Variants in PLCG2 observed in about 807,000 individuals in gnomAD.
PLCG2 encodes the protein 1-phosphatidylinositol 4,5-bisphosphate phosphodiesterase gamma-2.
A neutral mutation model predicts 175.6 loss-of-function variants in PLCG2; 69 were observed. The observed-to-expected ratio is 0.39, with a 90% CI of 0.32 to 0.48. The LOEUF is 0.48. Among genes scored for constraint, PLCG2 ranks in the 20% least tolerant of loss-of-function variants. The pLI, the probability that PLCG2 is intolerant of heterozygous loss-of-function variation, is 0.91. For missense variants in PLCG2, 1,798 were observed against 1,650.9 expected (o/e 1.09, Z -1.54); for synonymous variants, 827 against 624.0 (o/e 1.33, Z -4.85).
chr16:81,935,684 G>T, intron 26 of PLCG2: 1 of 985,286 alleles, frequency 1.0e-6, no homozygotes, highest in Non-Finnish European at 1.2e-6. Context: ...AGAAGATGAG[G>T]CCTGTCCCCT....
At chr16:81,871,006 C>G (rs749044588) in intron 7 of PLCG2, 71 bp downstream of exon 7, 3 of 781,494 alleles carry the variant, frequency 3.8e-6, no homozygotes, top group African/African-American at 3.5e-5. Context: ...CTGGCATGTT[C>G]CTAAGAAACC....
rs147514473 is a variant in PLCG2 at position 81,754,624 on chromosome 16, A to G, written c.-144-1246A>G. Among the ~76,000 whole-genome samples, 224 of 150,878 alleles carry G rather than the reference A, an allele frequency of 1.5e-3. 5 individuals are homozygous for G. In the East Asian group the frequency reaches 0.034, roughly 23 times the overall value. On this transcript the variant is annotated intron_variant, in intron 1 of 5. Transcript: ENST00000565054. The stretch of plus-strand genomic sequence containing the variant: ...GGACCTGGTAAGGTGTAGGTGCTCA[A>G]TACTTGCTTTAGTGAATGAATGACT...
At chr16:81,817,796 T>G (rs1172277706) in intron 2 of PLCG2, among the ~76,000 whole-genome samples, 1 of 152,240 alleles carries the variant, frequency 6.6e-6, no homozygotes, top group Non-Finnish European at 1.5e-5. Context: ...TGTGATTCTT[T>G]CACTTAACAC....
intron 2 of PLCG2, among the ~76,000 whole-genome samples, chr16:81,809,114 G>T (rs1904296704): frequency 6.6e-6 from 1 of 152,204 alleles, no homozygotes; most frequent in African/African-American, 2.4e-5. Context: ...TCTGAGCATG[G>T]TGACTTGGAC....
intron 7 of PLCG2, among the ~76,000 whole-genome samples, chr16:81,871,572 A>G (rs1287285586): frequency 6.6e-6 from 1 of 152,172 alleles, no homozygotes; most frequent in Admixed American, 6.5e-5. Context: ...TTCTAACCTC[A>G]ACTGATCGGC....
chr16:81,942,310 C>G (rs1385962091), intron 30 of PLCG2, among the ~76,000 whole-genome samples: 1 of 152,184 alleles, frequency 6.6e-6, no homozygotes, highest in Non-Finnish European at 1.5e-5. Context: ...AATGCAATGA[C>G]TTAGCTTGGA....
chr16:81,944,935 G>C lies in PLCG2; in HGVS notation c.3482-1240G>C, dbSNP rs140363214. 4.4e-3 allele frequency among the ~76,000 whole-genome samples: 671 copies of C among 152,196 alleles called. 13 individuals carry two copies. Among genetic ancestry groups the C allele is most frequent in the African/African-American group, 0.016 (651 of 41,520 alleles). ...CAAGTAATCCTTGTAATTTTTTTTA[G>C]TGTTGCTGTATGTTTAAGAATTTTA... On this transcript the variant is annotated intron_variant, in intron 30 of 32. Transcript: ENST00000564138.
intron 1 of PLCG2, among the ~76,000 whole-genome samples, chr16:81,784,040 C>G (rs1367971624): frequency 6.6e-6 from 1 of 152,196 alleles, no homozygotes; most frequent in Non-Finnish European, 1.5e-5. Flanking sequence ...GCCCCCAGTG[C>G]ATGCTTCTGC....
At chr16:81,883,563 T>C (rs1428005271) in intron 9 of PLCG2, 2 of 585,406 alleles carry the variant, frequency 3.4e-6, no homozygotes, top group African/African-American at 3.7e-5. Context: ...AAGAGCCTCA[T>C]GTCGGGCCTC....
intron 24 of PLCG2, among the ~76,000 whole-genome samples, chr16:81,930,083 C>G (rs1910438025): frequency 6.6e-6 from 1 of 152,162 alleles, no homozygotes; most frequent in Non-Finnish European, 1.5e-5. Context: ...TGCCTTTAGT[C>G]TCAGCTACTC....
intron 2 of PLCG2, among the ~76,000 whole-genome samples, chr16:81,822,058 G>C (rs1904823434): frequency 6.6e-6 from 1 of 152,182 alleles, no homozygotes; most frequent in African/African-American, 2.4e-5. Context: ...GCACCCTTAC[G>C]CTGCAGAGAT....
chr16:81,820,863 C>T (rs533451161), intron 2 of PLCG2, among the ~76,000 whole-genome samples: 172 of 147,816 alleles, frequency 1.2e-3, no homozygotes, highest in Non-Finnish European at 1.8e-3. Flanking sequence ...TCAAATGATC[C>T]GCCCACCTCA....
rs1420102462 is a variant in PLCG2, at chr16:81,921,164, A to G, written c.2236-34A>G. ...TGTAAGGGCTATTCCAGGAGCATGG[A>G]TTATTCCATTTCTTTCTTTCTTTTT... is the stretch of plus-strand genomic sequence containing the variant. On this transcript the variant is annotated intron_variant, in intron 20 of 32. Transcript: ENST00000564138. 3 of 1,309,382 alleles carry G rather than the reference A, an allele frequency of 2.3e-6. No individual in the cohort carries two copies. In the East Asian group the frequency reaches 6.9e-5, roughly 30 times the overall value. The allele number at this position is 1,309,382 out of a possible 1,614,324, so 81.1% of individuals were successfully genotyped here.
intron 2 of PLCG2, among the ~76,000 whole-genome samples, chr16:81,761,856 G>T (rs1378788996): frequency 4.2e-5 from 6 of 143,654 alleles, no homozygotes; most frequent in Admixed American, 1.4e-4. Flanking sequence ...TTTGCGCATG[G>T]AGTCTTGTTC....
upstream of PLCG2, among the ~76,000 whole-genome samples, chr16:81,777,140 C>T (rs1442416968): frequency 1.3e-5 from 2 of 152,066 alleles, no homozygotes; most frequent in African/African-American, 4.8e-5. Flanking sequence ...ACCTGTTCTT[C>T]ATGTTCTTAT....
chr16:81,948,945 C>G (rs115733596), intron 31 of PLCG2, among the ~76,000 whole-genome samples: 6 of 152,150 alleles, frequency 3.9e-5, no homozygotes, highest in African/African-American at 1.4e-4. Context: ...AACTGTAACA[C>G]ATAACTCATA....
At chr16:81,805,458 C>G (rs903515235) in intron 2 of PLCG2, among the ~76,000 whole-genome samples, 2 of 143,144 alleles carry the variant, frequency 1.4e-5, no homozygotes, top group South Asian at 2.3e-4. Context: ...GAGATTGCAC[C>G]ACTGCACTTC....
rs191471467 is a variant in PLCG2 at position 81,864,590 on chromosome 16, G to A, written c.480-4624G>A. Among the ~76,000 whole-genome samples, 183 of 152,284 alleles carry A rather than the reference G, an allele frequency of 1.2e-3. 2 individuals are homozygous for A. The highest frequency in any genetic ancestry group is 0.01 in the Middle Eastern group (3 of 294). ...TGTAAAAGATAAAATAATAGTTCCC[G>A]CCTCCCAGGGCAGATGTGAGGCTTC... On this transcript the variant is annotated intron_variant, in intron 5 of 32. Coordinates refer to ENST00000564138, the MANE Select transcript of PLCG2 (RefSeq NM_002661.5).
At chr16:81,787,615 G>T (rs1911039214) in intron 2 of PLCG2, among the ~76,000 whole-genome samples, 1 of 150,590 alleles carries the variant, frequency 6.6e-6, no homozygotes, top group Admixed American at 6.6e-5. Flanking sequence ...TATGCAGCAT[G>T]TATAGTGTGG....
Sources: gnomAD v4.1 joint callset for allele counts (sites outside exome capture counted in the v4.1 genomes callset) on GRCh38, gnomAD v4.1.1 for gene constraint, MANE v1.5 for transcripts, NCBI Gene and HGNC (gene_info 2026-07-23, HGNC 2026-07-21) for gene names.